The following KCNQ1 variants were observed in gnomAD, a reference collection of about 807,000 sequenced individuals.
The protein encoded by KCNQ1 is potassium voltage-gated channel subfamily Q member 1.
In KCNQ1, 49 loss-of-function variants were observed where a neutral mutation model predicts 72.4. That is an observed-to-expected ratio of 0.68 (90% CI 0.54 to 0.86). KCNQ1 has a LOEUF of 0.86. KCNQ1 is among the 40% of genes least tolerant of loss of function. KCNQ1 has a pLI of 0.00. For synonymous variants in KCNQ1, 450 were observed against 412.6 expected (o/e 1.09, Z -1.10); for missense variants, 790 against 945.1 (o/e 0.84, Z 2.15).
At chr11:2,648,563 C>T (rs1388851361) in intron 10 of KCNQ1, 4 of 398,200 alleles carry the variant, frequency 1.0e-5, no homozygotes, top group Non-Finnish European at 1.8e-5. Flanking sequence ...GTTTGATTTC[C>T]GTGTATCTGT....
In KCNQ1 at chr11:2,572,945, G is replaced by A. The variant is rs749073770; in HGVS notation, c.880G>A (p.Val294Met). Reference protein sequence around the residue: ...EKDAVNESGRVEFGSYADALW... With the variant: ...EKDAVNESGRMEFGSYADALW... ...GGACGCGGTGAACGAGTCAGGCCGC[G>A]TGGAGTTCGGCAGCTACGCAGATGC... Residue 294 changes from valine (V) to methionine (M), a missense_variant, in exon 6 of 16, where the codon GTG becomes ATG. Physicochemically the swap from Val to Met is conservative, Grantham distance 21. Transcript: ENST00000155840. The A allele has an allele frequency of 1.3e-5, 21 of 1,613,704 alleles. No individual in the cohort carries two copies. The highest frequency in any genetic ancestry group is 5.0e-5 in the Admixed American group (3 of 60,004).
At position 2,674,405 on chromosome 11, in the gene KCNQ1, G is replaced by A. The variant is rs1850250978; in HGVS notation, c.1514+12324G>A. 2.5e-6 allele frequency: 1 copy of A among 398,468 alleles called. No individual in the cohort carries two copies. Among genetic ancestry groups the A allele is most frequent in the East Asian group, 3.6e-5 (1 of 28,036 alleles). The allele number at this position is 398,468 out of a possible 1,614,324, so 24.7% of individuals were successfully genotyped here. A position where few individuals can be genotyped will look rare whatever the true frequency, so the allele number is the denominator to read the frequency against. On this transcript the variant is annotated intron_variant, in intron 11 of 15. Transcript: ENST00000155840. This position sits in a 1 kb window ranked among gnomAD's most constrained non-coding sequence, Gnocchi z 5.9. The stretch of plus-strand genomic sequence containing the variant: ...GGAAGGTGCATGCGTGCGTGTGTGT[G>A]TGCGCGCCCGCGCGCACACGACCAC...
chr11:2,827,633 A>AAGAGG lies in KCNQ1; in HGVS notation c.1795-20134_1795-20133insAGAGG, dbSNP rs1847865425. Among the ~76,000 whole-genome samples, 1 of 12,666 alleles carries AAGAGG rather than the reference A, an allele frequency of 7.9e-5. No homozygotes were observed. 8.3% of individuals were successfully genotyped at this position (12,666 alleles called of 152,430 possible). On this transcript the variant is annotated intron_variant, in intron 15 of 15. Coordinates refer to ENST00000155840, the MANE Select transcript of KCNQ1 (RefSeq NM_000218.3). The surrounding 1 kb of genome is among the most constrained non-coding windows in gnomAD (Gnocchi z 6.7). ...AGGGTTCTGTTGATTAAAAAAAAAAAGTGGGGTCGGGGGGGCGGGGGAGAG... is the reference window on the plus strand; with the variant it reads ...AGGGTTCTGTTGATTAAAAAAAAAAAAGAGGGTGGGGTCGGGGGGGCGGGGGAGAG...
intron 11 of KCNQ1, chr11:2,696,358 C>G (rs939993864): frequency 7.5e-6 from 3 of 398,520 alleles, no homozygotes; most frequent in Non-Finnish European, 1.3e-5. Context: ...ATCTTCTGAA[C>G]AGTCCCCACT....
At chr11:2,625,998 T>C (rs748107687) in intron 10 of KCNQ1, 39 of 398,558 alleles carry the variant, frequency 9.8e-5, no homozygotes, top group Non-Finnish European at 1.4e-4. Flanking sequence ...GGTTGTCTTA[T>C]TGCTTAGTTG....
chr11:2,633,688 T>C, intron 10 of KCNQ1: 1 of 398,634 alleles, frequency 2.5e-6, no homozygotes, highest in Non-Finnish European at 4.4e-6. Context: ...TAAATTTATT[T>C]ACTTCTGGGT....
At position 2,478,060 on chromosome 11, in the gene KCNQ1, A is replaced by G. The variant is rs1459833460; in HGVS notation, c.386+32576A>G. 2.0e-5 allele frequency among the ~76,000 whole-genome samples: 3 copies of G among 152,198 alleles called. No homozygotes were observed. The highest frequency in any genetic ancestry group is 3.9e-4 in the East Asian group (2 of 5,194). ...CCCGAGCCAAGTGATCCAAGTTAAC[A>G]TCACCAGGAATGGGACAGGCCAGCT... On this transcript the variant is annotated intron_variant, in intron 1 of 15. Coordinates refer to ENST00000155840, the MANE Select transcript of KCNQ1 (RefSeq NM_000218.3). This position sits in a 1 kb window ranked among gnomAD's most constrained non-coding sequence, Gnocchi z 4.0.
intron 10 of KCNQ1, chr11:2,660,760 G>A (rs1049500757): frequency 2.5e-6 from 1 of 398,614 alleles, no homozygotes; most frequent in Non-Finnish European, 4.4e-6. Context: ...AAAGCTGGGG[G>A]AGCCTGAATT....
chr11:2,571,180 C>G (rs552896736), intron 3 of KCNQ1, 145 bp from the exon 4 acceptor site: 2 of 732,598 alleles, frequency 2.7e-6, no homozygotes, highest in Non-Finnish European at 4.9e-6. Context: ...CCTCCCTATC[C>G]GAGGTGTCTC....
chr11:2,631,946 G>C, intron 10 of KCNQ1: 1 of 396,998 alleles, frequency 2.5e-6, no homozygotes, highest in Non-Finnish European at 4.4e-6. Flanking sequence ...ACTTTGGGAG[G>C]CTGAGGAGGG....
At chr11:2,693,081 T>A in intron 11 of KCNQ1, 1 of 398,674 alleles carries the variant, frequency 2.5e-6, no homozygotes, top group East Asian at 3.6e-5. Context: ...TAGAGGGGAA[T>A]GGCTCCTTAC....
chr11:2,629,302 T>C (rs1849313401), intron 10 of KCNQ1: 1 of 398,448 alleles, frequency 2.5e-6, no homozygotes, highest in Non-Finnish European at 4.4e-6. Context: ...CTAGGTCTTT[T>C]ATCTCCTTGG....
intron 11 of KCNQ1, among the ~76,000 whole-genome samples, chr11:2,760,998 C>A (rs963276075): frequency 1.3e-5 from 2 of 152,216 alleles, no homozygotes; most frequent in Admixed American, 6.5e-5. Context: ...CTCAGTTAGA[C>A]CCCCTGCCTT....
At chr11:2,822,340 G>A (rs771025787) in intron 15 of KCNQ1, among the ~76,000 whole-genome samples, 6 of 152,186 alleles carry the variant, frequency 3.9e-5, no homozygotes, top group Non-Finnish European at 7.4e-5. Context: ...CCAGCACAGC[G>A]CCAGGCCCTG....
intron 10 of KCNQ1, chr11:2,649,949 G>A (rs1243390333): frequency 2.5e-6 from 1 of 398,310 alleles, no homozygotes; most frequent in African/African-American, 2.1e-5. Context: ...GCTTAATAGT[G>A]TCTCATATGT....
Position 2,516,470 on chromosome 11 carries a change from G to A in KCNQ1, c.387-11458G>A, listed in dbSNP as rs966648232. Among the ~76,000 whole-genome samples, 7 of 152,186 alleles carry A rather than the reference G, an allele frequency of 4.6e-5. No individual in the cohort carries two copies. The South Asian group carries it at 6.2e-4, about 14-fold the overall frequency. The stretch of plus-strand genomic sequence containing the variant: ...GTTCCTGTTTGAATTCTCAATCTCC[G>A]GGCTCAAAATTGGCCCCCAGAAAGC... On this transcript the variant is annotated intron_variant, in intron 1 of 15. Coordinates refer to ENST00000155840, the MANE Select transcript of KCNQ1 (RefSeq NM_000218.3). This position sits in a 1 kb window ranked among gnomAD's most constrained non-coding sequence, Gnocchi z 7.0.
chr11:2,837,853 G>A (rs1244075092), intron 15 of KCNQ1, among the ~76,000 whole-genome samples: 2 of 152,122 alleles, frequency 1.3e-5, no homozygotes, highest in Admixed American at 6.5e-5. Context: ...GGGGCCGGCG[G>A]CGAGGGACCC....
intron 6 of KCNQ1, among the ~76,000 whole-genome samples, chr11:2,573,572 G>T (rs1181287861): frequency 6.6e-6 from 1 of 152,244 alleles, no homozygotes; most frequent in Admixed American, 6.5e-5. Flanking sequence ...CTGGGCAGTG[G>T]CGACATAGGT....
intron 11 of KCNQ1, among the ~76,000 whole-genome samples, chr11:2,763,404 A>AG (rs1389890411): frequency 1.4e-5 from 2 of 139,866 alleles, no homozygotes; most frequent in African/African-American, 2.9e-5. Flanking sequence ...TCTTAGAAGA[A>AG]AAAAAAAAAA....
Sources: allele counts gnomAD v4.1 joint callset (sites outside exome capture counted in the v4.1 genomes callset), GRCh38; gene constraint gnomAD v4.1.1; non-coding constraint Gnocchi (gnomAD v3.1); transcripts MANE v1.5; gene names NCBI Gene and HGNC (gene_info 2026-07-23, HGNC 2026-07-21).